Variants in TMX2 observed in about 807,000 individuals in gnomAD.
TMX2 encodes the protein thioredoxin related transmembrane protein 2.
Under a neutral mutation model 33.4 loss-of-function variants are expected in TMX2, and 20 were observed. The observed-to-expected ratio is 0.60, with a 90% CI of 0.42 to 0.87. TMX2 has a LOEUF of 0.87. Among genes scored for constraint, TMX2 ranks in the 40% least tolerant of loss-of-function variants. The probability of loss-of-function intolerance (pLI) is 0.00; values close to 1 mark genes in which losing one functional copy is unlikely to be tolerated. For missense variants in TMX2, 340 were observed against 370.7 expected (o/e 0.92, Z 0.68); for synonymous variants, 166 against 140.7 (o/e 1.18, Z -1.27).
intron 1 of TMX2, chr11:57,718,245 G>C: frequency 4.7e-6 from 7 of 1,502,322 alleles, no homozygotes; most frequent in Non-Finnish European, 6.5e-6. Flanking sequence ...CATGGACAAG[G>C]TGCCAGGACC....
At chr11:57,714,279 A>G (rs1172919142) in intron 1 of TMX2, among the ~76,000 whole-genome samples, 4 of 152,214 alleles carry the variant, frequency 2.6e-5, no homozygotes, top group African/African-American at 7.2e-5. Flanking sequence ...GTTGTGTCTC[A>G]TTTCAGAAGA....
intron 1 of TMX2, among the ~76,000 whole-genome samples, chr11:57,716,657 C>T (rs1311766388): frequency 3.7e-5 from 5 of 133,722 alleles, no homozygotes; most frequent in South Asian, 2.4e-4. Context: ...GCTGGCCGAG[C>T]GGGGGGCTGA....
At chr11:57,723,136 A>C (rs1156410104) in intron 1 of TMX2, among the ~76,000 whole-genome samples, 1 of 151,864 alleles carries the variant, frequency 6.6e-6, no homozygotes, top group Non-Finnish European at 1.5e-5. Flanking sequence ...ATAAATAAAC[A>C]CACGGATGTC....
At chr11:57,729,721 G>A (rs1948234148) in intron 1 of TMX2, among the ~76,000 whole-genome samples, 2 of 150,826 alleles carry the variant, frequency 1.3e-5, no homozygotes, top group South Asian at 2.1e-4. Context: ...TGCTTCTATC[G>A]GCATACCTAA....
chr11:57,740,026 A>AAT, intron 7 of TMX2, 73 bp from the exon 8 acceptor site: 1 of 1,602,610 alleles, frequency 6.2e-7, no homozygotes, highest in Non-Finnish European at 8.5e-7. Context: ...TTTGTGTAAA[A>AAT]TACCTCTTAC....
chr11:57,715,430 A>T (rs969973286), intron 1 of TMX2, among the ~76,000 whole-genome samples: 3 of 149,876 alleles, frequency 2.0e-5, no homozygotes, highest in Admixed American at 6.7e-5. Context: ...AAATTAAAAA[A>T]ATATATTTTA....
At chr11:57,727,015 A>C (rs518804) in intron 1 of TMX2, among the ~76,000 whole-genome samples, 41,388 of 152,090 alleles carry the variant, frequency 0.27, 6,742 homozygotes, top group East Asian at 0.79. Context: ...TATAACCCTG[A>C]GTGCCCAAAT....
intron 1 of TMX2, among the ~76,000 whole-genome samples, chr11:57,734,439 A>G (rs1948617698): frequency 6.6e-6 from 1 of 152,110 alleles, no homozygotes. Flanking sequence ...CTGGTTAACT[A>G]CAACTCTCTT....
At chr11:57,716,549 G>A (rs1947068365) in intron 1 of TMX2, among the ~76,000 whole-genome samples, 1 of 127,072 alleles carries the variant, frequency 7.9e-6, no homozygotes, top group Non-Finnish European at 1.7e-5. Flanking sequence ...CCCGGACGGG[G>A]CGGCTGGCCG....
At chr11:57,733,819 T>C (rs1335006319) in intron 1 of TMX2, among the ~76,000 whole-genome samples, 1 of 152,224 alleles carries the variant, frequency 6.6e-6, no homozygotes, top group African/African-American at 2.4e-5. Context: ...AGGCTCATTC[T>C]GTCTTCAACC....
chr11:57,721,298 C>T (rs1947610910), intron 1 of TMX2, among the ~76,000 whole-genome samples: 1 of 151,194 alleles, frequency 6.6e-6, no homozygotes, highest in Non-Finnish European at 1.5e-5. Context: ...GAGACTCCAT[C>T]TCCAATCAAT....
At chr11:57,729,348 C>T (rs11607056) in intron 1 of TMX2, among the ~76,000 whole-genome samples, 38,004 of 151,792 alleles carry the variant, frequency 0.25, 5,567 homozygotes, top group Non-Finnish European at 0.33. Flanking sequence ...TGCTTTAGAT[C>T]GGCTGTTACT....
At chr11:57,740,036 C>T in intron 7 of TMX2, 63 bp from the exon 8 acceptor site, 3 of 1,608,114 alleles carry the variant, frequency 1.9e-6, no homozygotes, top group East Asian at 4.5e-5. Context: ...ATACCTCTTA[C>T]TTCCCAGGCT....
intron 1 of TMX2, among the ~76,000 whole-genome samples, chr11:57,723,545 G>A (rs1947777382): frequency 6.6e-6 from 1 of 150,858 alleles, no homozygotes; most frequent in Admixed American, 6.6e-5. Context: ...GCTCACGCCT[G>A]TAATCCCAGC....
At position 57,712,705 on chromosome 11, in the gene TMX2, G is replaced by C. The variant is rs762011043; in HGVS notation, c.87G>C (p.Ser29=). The part of the protein sequence containing the change: ...RWLAQPYYLL[S]ALLSAAFLLV... ...TCGCCCAACCTTACTACCTTCTGTC[G>C]GCCCTGCTCTCTGCTGCCTTCCTAC... The change falls in exon 1 of 8, where the codon TCG becomes TCC. Residue 29 remains serine, a synonymous_variant. Coordinates refer to ENST00000278422, the MANE Select transcript of TMX2 (RefSeq NM_015959.4). 6.2e-7 allele frequency: 1 copy of C among 1,614,122 alleles called. No homozygotes were observed. Among genetic ancestry groups the C allele is most frequent in the South Asian group, 1.1e-5 (1 of 91,082 alleles).
chr11:57,729,547 C>T (rs1262213372), intron 1 of TMX2, among the ~76,000 whole-genome samples: 2 of 152,140 alleles, frequency 1.3e-5, no homozygotes, highest in African/African-American at 2.4e-5. Flanking sequence ...TTCCCTCTAG[C>T]ACACCAGACT....
intron 1 of TMX2, among the ~76,000 whole-genome samples, chr11:57,724,378 T>C (rs1947837818): frequency 1.3e-5 from 2 of 152,296 alleles, no homozygotes; most frequent in South Asian, 2.1e-4. Context: ...ACAAGCCATG[T>C]TGCACTAGCT....
intron 1 of TMX2, among the ~76,000 whole-genome samples, chr11:57,729,469 GTATT>G (rs1948216264): frequency 6.6e-6 from 1 of 152,116 alleles, no homozygotes; most frequent in Non-Finnish European, 1.5e-5. Flanking sequence ...GTGTGTGTGT[GTATT>G]TAAAGGCCTT....
At chr11:57,731,580 A>G (rs757001497) in intron 1 of TMX2, among the ~76,000 whole-genome samples, 8 of 151,830 alleles carry the variant, frequency 5.3e-5, no homozygotes, top group Non-Finnish European at 1.0e-4. Context: ...GTCACAGGCC[A>G]TGGTCACTCA....
Sources: gnomAD v4.1 joint callset for allele counts (sites outside exome capture counted in the v4.1 genomes callset) on GRCh38, gnomAD v4.1.1 for gene constraint, MANE v1.5 for transcripts, NCBI Gene and HGNC (gene_info 2026-07-23, HGNC 2026-07-21) for gene names.